The following PDZRN4 variants were observed in gnomAD, a reference collection of about 807,000 sequenced individuals.
The protein encoded by PDZRN4 is PDZ domain-containing RING finger protein 4.
A neutral mutation model predicts 99.0 loss-of-function variants in PDZRN4; 70 were observed. That is an observed-to-expected ratio of 0.71 (90% CI 0.58 to 0.86). The LOEUF (loss-of-function observed/expected upper bound fraction) is 0.86, where lower values mean the gene tolerates loss of function less well. Ranked by LOEUF, PDZRN4 falls within the 40% of genes least tolerant of loss-of-function variation. The pLI is 0.00. For missense variants in PDZRN4, 1,474 were observed against 1,331.2 expected, an observed-to-expected ratio of 1.11 and a Z score of -1.67; for synonymous variants, 551 against 501.6, an observed-to-expected ratio of 1.10 and a Z score of -1.32.
intron 3 of PDZRN4, among the ~76,000 whole-genome samples, chr12:41,253,976 G>T (rs1951187665): frequency 6.6e-6 from 1 of 151,840 alleles, no homozygotes; most frequent in African/African-American, 2.4e-5. Flanking sequence ...GCCACTAGAG[G>T]CCAGGAAGGG....
At position 41,526,919 on chromosome 12, in the gene PDZRN4, T is replaced by C. The variant is rs1275700939; in HGVS notation, c.1203+17006T>C. On this transcript the variant is annotated intron_variant, in intron 5 of 9. Transcript: ENST00000402685. ...TTTCCTTTCAGCTATCTGAAAGCCA[T>C]AGTGACCCAATTAAGTTCAGCAATA... 5.3e-5 allele frequency among the ~76,000 whole-genome samples: 8 copies of C among 152,354 alleles called. No homozygotes were observed. In the East Asian group the frequency reaches 1.5e-3, roughly 29 times the overall value.
intron 3 of PDZRN4, among the ~76,000 whole-genome samples, chr12:41,324,275 AT>A (rs915223463): frequency 4.2e-4 from 64 of 152,172 alleles, no homozygotes; most frequent in African/African-American, 1.3e-3. Context: ...ACAAAAAAAA[AT>A]ATCTGTGCAA....
intron 3 of PDZRN4, among the ~76,000 whole-genome samples, chr12:41,354,200 A>T (rs1193630128): frequency 6.6e-6 from 1 of 152,116 alleles, no homozygotes; most frequent in Non-Finnish European, 1.5e-5. Flanking sequence ...CTTAATAGTA[A>T]TAAGGTAGGT....
At chr12:41,263,017 T>C (rs1490032425) in intron 3 of PDZRN4, among the ~76,000 whole-genome samples, 2 of 152,196 alleles carry the variant, frequency 1.3e-5, no homozygotes, top group South Asian at 4.1e-4. Flanking sequence ...TACTATTTAA[T>C]AAAATTTACA....
chr12:41,513,352 A>G (rs942385989), intron 5 of PDZRN4, among the ~76,000 whole-genome samples: 1 of 152,014 alleles, frequency 6.6e-6, no homozygotes, highest in East Asian at 1.9e-4. Context: ...CCAATTTCCT[A>G]AGAAAAATAT....
intron 3 of PDZRN4, among the ~76,000 whole-genome samples, chr12:41,195,435 T>C (rs1950764501): frequency 6.6e-6 from 1 of 152,172 alleles, no homozygotes; most frequent in African/African-American, 2.4e-5. Context: ...TTTTAGCTTT[T>C]CATTCATCCT....
At chr12:41,537,172 T>G (rs2120755941) in intron 5 of PDZRN4, among the ~76,000 whole-genome samples, 1 of 152,248 alleles carries the variant, frequency 6.6e-6, no homozygotes, top group East Asian at 1.9e-4. Flanking sequence ...TAAGCTCAAG[T>G]ATGATATGTG....
intron 5 of PDZRN4, among the ~76,000 whole-genome samples, chr12:41,548,353 G>T (rs529822609): frequency 1.3e-5 from 2 of 152,108 alleles, no homozygotes; most frequent in African/African-American, 4.8e-5. Context: ...TGAAATAAGT[G>T]TTTTATTGGA....
chr12:41,189,062 G>A lies in PDZRN4; in HGVS notation c.607G>A (p.Val203Ile). ...QEKFTQYMAH[V>I]RNFVGDLGGG... ...GAAGTTCACCCAATACATGGCTCAC[G>A]TCCGCAACTTCGTCGGCGACCTCGG... is the stretch of plus-strand genomic sequence containing the variant. The change falls in exon 1 of 10, where the codon GTC (valine) becomes ATC (isoleucine). Residue 203 changes from valine (V) to isoleucine (I), a missense_variant. Coordinates refer to ENST00000402685, the MANE Select transcript of PDZRN4 (RefSeq NM_001164595.2). 2 of 1,580,106 alleles carry A rather than the reference G, an allele frequency of 1.3e-6. No individual in the cohort carries two copies. The highest frequency in any genetic ancestry group is 1.7e-6 in the Non-Finnish European group (2 of 1,171,282).
intron 3 of PDZRN4, among the ~76,000 whole-genome samples, chr12:41,384,781 A>G (rs1446382613): frequency 6.6e-6 from 1 of 152,160 alleles, no homozygotes; most frequent in Non-Finnish European, 1.5e-5. Context: ...GCCCTGGGTG[A>G]GACTCAATTT....
At chr12:41,201,400 C>G (rs991783072) in intron 3 of PDZRN4, among the ~76,000 whole-genome samples, 1 of 152,144 alleles carries the variant, frequency 6.6e-6, no homozygotes, top group Non-Finnish European at 1.5e-5. Flanking sequence ...ATACCTCTCA[C>G]TTTCATAGCA....
intron 3 of PDZRN4, among the ~76,000 whole-genome samples, chr12:41,374,924 G>T (rs138729877): frequency 5.9e-5 from 9 of 152,164 alleles, no homozygotes; most frequent in Non-Finnish European, 1.2e-4. Flanking sequence ...CCTCTTCTGA[G>T]ATTAGGTTAT....
intron 3 of PDZRN4, among the ~76,000 whole-genome samples, chr12:41,346,049 A>G (rs1951851623): frequency 6.6e-6 from 1 of 152,138 alleles, no homozygotes; most frequent in Admixed American, 6.5e-5. Context: ...GAAATGATCA[A>G]TTTCCAATTG....
intron 3 of PDZRN4, among the ~76,000 whole-genome samples, chr12:41,198,980 T>C (rs1950797048): frequency 6.6e-6 from 1 of 152,170 alleles, no homozygotes; most frequent in South Asian, 2.1e-4. Flanking sequence ...TCTTTGGTAG[T>C]TGTCACGTTT....
intron 3 of PDZRN4, among the ~76,000 whole-genome samples, chr12:41,500,199 G>A (rs1401233801): frequency 6.6e-6 from 1 of 151,904 alleles, no homozygotes; most frequent in African/African-American, 2.4e-5. Context: ...ACTACTGGAG[G>A]TTCAGGCTGC....
chr12:41,330,898 C>G (rs928167297), intron 3 of PDZRN4, among the ~76,000 whole-genome samples: 1 of 152,038 alleles, frequency 6.6e-6, no homozygotes, highest in Non-Finnish European at 1.5e-5. Context: ...TTGATACTGC[C>G]TTTAGCTCAT....
At chr12:41,483,423 T>C (rs1330147422) in intron 3 of PDZRN4, among the ~76,000 whole-genome samples, 2 of 152,218 alleles carry the variant, frequency 1.3e-5, no homozygotes, top group East Asian at 3.9e-4. Context: ...ATCTCTCTTT[T>C]TGCAGGGTGG....
At chr12:41,512,550 G>A (rs1313165464) in intron 5 of PDZRN4, among the ~76,000 whole-genome samples, 1 of 152,052 alleles carries the variant, frequency 6.6e-6, no homozygotes, top group Non-Finnish European at 1.5e-5. Context: ...TGAGAGAGTG[G>A]AAGGGGTGAA....
chr12:41,455,620 C>T (rs1002679668), intron 3 of PDZRN4, among the ~76,000 whole-genome samples: 2 of 152,124 alleles, frequency 1.3e-5, no homozygotes, highest in Non-Finnish European at 2.9e-5. Flanking sequence ...CTTTCAAACT[C>T]CTCCCCGATC....
Sources: gnomAD v4.1 joint callset for allele counts (sites outside exome capture counted in the v4.1 genomes callset) on GRCh38, gnomAD v4.1.1 for gene constraint, MANE v1.5 for transcripts, NCBI Gene and HGNC (gene_info 2026-07-23, HGNC 2026-07-21) for gene names.